TTC36: variants seen among roughly 807,000 people sequenced by gnomAD.
TTC36 encodes the protein tetratricopeptide repeat protein 36.
TTC36 carries 15 observed loss-of-function variants against 17.5 expected under a neutral mutation model. The ratio of observed to expected loss-of-function variants is 0.86; its 90% CI spans 0.57 to 1.32. The LOEUF (loss-of-function observed/expected upper bound fraction) is 1.32, where lower values mean the gene tolerates loss of function less well. Ranked by LOEUF, TTC36 falls within the 40% of genes most tolerant of loss-of-function variation. The probability of loss-of-function intolerance (pLI) is 0.00; values close to 1 mark genes in which losing one functional copy is unlikely to be tolerated. For synonymous variants in TTC36, 112 were observed against 109.8 expected, an observed-to-expected ratio of 1.02 and a Z score of -0.13; for missense variants, 292 against 260.9, an observed-to-expected ratio of 1.12 and a Z score of -0.82.
chr11:118,528,922 G>A (rs1424842968), intron 2 of TTC36, 131 bp downstream of exon 2: 1 of 780,488 alleles, frequency 1.3e-6, no homozygotes, highest in Non-Finnish European at 1.9e-6. Flanking sequence ...TATAAGGTAG[G>A]AGTAGTATCA....
Position 118,530,633 on chromosome 11 carries a change from C to T in TTC36, c.308-21C>T. On this transcript the variant is annotated intron_variant, in intron 2 of 2. Coordinates refer to ENST00000302783, the MANE Select transcript of TTC36 (RefSeq NM_001080441.4). The surrounding 1 kb of genome is among the most constrained non-coding windows in gnomAD (Gnocchi z 5.8). ...CTGGCCTCCGCTGACCCCCGCCCCGCCCGTCTCGTCGGTCCCGCAGGCGCC... is the reference window on the plus strand; with the variant it reads ...CTGGCCTCCGCTGACCCCCGCCCCGTCCGTCTCGTCGGTCCCGCAGGCGCC... 7.1e-7 allele frequency: 1 copy of T among 1,413,892 alleles called. No individual in the cohort carries two copies. The highest frequency in any genetic ancestry group is 9.1e-7 in the Non-Finnish European group (1 of 1,094,936). 87.6% of individuals were successfully genotyped at this position (1,413,892 alleles called of 1,614,324 possible). A position where few individuals can be genotyped will look rare whatever the true frequency, so the allele number is the denominator to read the frequency against.
intron 2 of TTC36, 29 bp downstream of exon 2, chr11:118,528,820 A>C: frequency 1.3e-6 from 2 of 1,565,274 alleles, no homozygotes. Context: ...TATCCTCTGC[A>C]AAAGGGCCCA....
At chr11:118,529,480 C>T (rs942659003) in intron 2 of TTC36, among the ~76,000 whole-genome samples, 1 of 152,128 alleles carries the variant, frequency 6.6e-6, no homozygotes, top group Non-Finnish European at 1.5e-5. Context: ...CTGTAGAGGT[C>T]CAAAACTCCT....
intron 1 of TTC36, chr11:118,528,197 G>C (rs961587549): frequency 1.2e-5 from 4 of 345,810 alleles, no homozygotes; most frequent in Non-Finnish European, 2.3e-5. Context: ...CATGATCTGG[G>C]AATGTCATGG....
Position 118,528,794 on chromosome 11 carries a change from A to AAGGGG in TTC36, c.307+6_307+10dup. Reference sequence around the variant, plus strand: ...GCGACTCCAGGGAGACGTGGCAGGTAAGGGGAGATGCCCTGTATCCTCTGC... The same window carrying AAGGGG: ...GCGACTCCAGGGAGACGTGGCAGGTAAGGGGAGGGGAGATGCCCTGTATCCTCTGC... On this transcript the variant is annotated splice_donor_region_variant and intron_variant, in intron 2 of 2. Coordinates refer to ENST00000302783, the MANE Select transcript of TTC36 (RefSeq NM_001080441.4). 6.2e-7 allele frequency: 1 copy of AAGGGG among 1,602,122 alleles called. No individual in the cohort carries two copies. Among genetic ancestry groups the AAGGGG allele is most frequent in the Non-Finnish European group, 8.5e-7 (1 of 1,174,000 alleles).
At position 118,527,527 on chromosome 11, in the gene TTC36, G is replaced by A. The variant is rs1555056026; in HGVS notation, c.33G>A (p.Gln11=). Residue 11 remains glutamine (Q), a synonymous_variant, in exon 1 of 3, where the codon CAG becomes CAA. Transcript: ENST00000302783. ...CTCCAAATGATCAGGCAGTGCTGCA[G>A]GCCATCTTCAACCCTGACACCCCAT... is the stretch of plus-strand genomic sequence containing the variant. The part of the protein sequence containing the change: MGTPNDQAVL[Q]AIFNPDTPFG... The A allele has an allele frequency of 6.2e-7, 1 of 1,614,172 alleles. No homozygotes were observed.
Position 118,530,637 on chromosome 11 carries a change from T to C in TTC36, c.308-17T>C. 4 of 1,418,748 alleles carry C rather than the reference T, an allele frequency of 2.8e-6. No homozygotes were observed. The highest frequency in any genetic ancestry group is 3.6e-6 in the Non-Finnish European group (4 of 1,097,118). 87.9% of individuals were successfully genotyped at this position (1,418,748 alleles called of 1,614,324 possible). A position where few individuals can be genotyped will look rare whatever the true frequency, so the allele number is the denominator to read the frequency against. On this transcript the variant is annotated splice_polypyrimidine_tract_variant and intron_variant, in intron 2 of 2. Coordinates refer to ENST00000302783, the MANE Select transcript of TTC36 (RefSeq NM_001080441.4). The surrounding 1 kb of genome is among the most constrained non-coding windows in gnomAD (Gnocchi z 5.8). The stretch of plus-strand genomic sequence containing the variant: ...CCTCCGCTGACCCCCGCCCCGCCCG[T>C]CTCGTCGGTCCCGCAGGCGCCCTGG...
chr11:118,530,772 C>T lies in TTC36; in HGVS notation c.426C>T (p.Ala142=). Residue 142 remains alanine (A), a synonymous_variant, in exon 3 of 3, where the codon GCC becomes GCT. Transcript: ENST00000302783. This position sits in a 1 kb window ranked among gnomAD's most constrained non-coding sequence, Gnocchi z 5.8. ...LARLQGRDDD[A]RRDFERAARL... is the part of the protein sequence containing the mutation. ...GGCTGCAGGGCCGAGACGACGACGC[C>T]CGCAGGGACTTCGAGAGGGCGGCAC... 1.3e-6 allele frequency: 2 copies of T among 1,509,314 alleles called. No individual in the cohort carries two copies. The highest frequency in any genetic ancestry group is 1.8e-6 in the Non-Finnish European group (2 of 1,138,318). 93.5% of individuals were successfully genotyped at this position (1,509,314 alleles called of 1,614,324 possible). A position where few individuals can be genotyped will look rare whatever the true frequency, so the allele number is the denominator to read the frequency against.
chr11:118,528,547 TTTC>T, intron 1 of TTC36, 53 bp from the exon 2 acceptor site: 1 of 1,490,538 alleles, frequency 6.7e-7, no homozygotes, highest in Non-Finnish European at 8.9e-7. Context: ...GAGGTGGCTT[TTTC>T]TTCTTGCTAC....
Position 118,530,614 on chromosome 11 carries a change from T to C in TTC36, c.308-40T>C. On this transcript the variant is annotated intron_variant, in intron 2 of 2. Coordinates refer to ENST00000302783, the MANE Select transcript of TTC36 (RefSeq NM_001080441.4). The surrounding 1 kb of genome is among the most constrained non-coding windows in gnomAD (Gnocchi z 5.8). ...GGGCTCGGGCAAGGCCGCCCTGGCC[T>C]CCGCTGACCCCCGCCCCGCCCGTCT... 7.2e-7 allele frequency: 1 copy of C among 1,381,980 alleles called. No homozygotes were observed. Among genetic ancestry groups the C allele is most frequent in the Non-Finnish European group, 9.3e-7 (1 of 1,080,244 alleles). The allele number at this position is 1,381,980 out of a possible 1,614,324, so 85.6% of individuals were successfully genotyped here. A position where few individuals can be genotyped will look rare whatever the true frequency, so the allele number is the denominator to read the frequency against.
At chr11:118,528,113 T>C (rs143723563) in intron 1 of TTC36, 24 of 392,670 alleles carry the variant, frequency 6.1e-5, no homozygotes, top group African/African-American at 4.6e-4. Context: ...TTTGATCCTT[T>C]GTTTCTAGAG....
Position 118,530,951 on chromosome 11 carries a change from C to T in TTC36, c.*35C>T, listed in dbSNP as rs1251465206. The T allele has an allele frequency of 2.7e-6, 4 of 1,468,180 alleles. No individual in the cohort carries two copies. The highest frequency in any genetic ancestry group is 2.5e-5 in the Admixed American group (1 of 39,406). 90.9% of individuals were successfully genotyped at this position (1,468,180 alleles called of 1,614,324 possible). A position where few individuals can be genotyped will look rare whatever the true frequency, so the allele number is the denominator to read the frequency against. On this transcript the variant is annotated 3_prime_UTR_variant, in exon 3 of 3. Coordinates refer to ENST00000302783, the MANE Select transcript of TTC36 (RefSeq NM_001080441.4). The surrounding 1 kb of genome is among the most constrained non-coding windows in gnomAD (Gnocchi z 5.8). ...ACCCGGGCGTCCGCGGGCGAGGGGA[C>T]GGGACTGGGCCCTGAACCAATAAAG... is the stretch of plus-strand genomic sequence containing the variant.
intron 2 of TTC36, among the ~76,000 whole-genome samples, chr11:118,529,544 C>T (rs1041851015): frequency 3.3e-5 from 5 of 152,230 alleles, no homozygotes; most frequent in Middle Eastern, 3.4e-3. Context: ...TGCTGGGGAC[C>T]AAAGATGAGG....
At position 118,528,665 on chromosome 11, in the gene TTC36, G is replaced by A; in HGVS notation, c.181G>A (p.Ala61Thr). 1 of 1,612,054 alleles carries A rather than the reference G, an allele frequency of 6.2e-7. No homozygotes were observed. Among genetic ancestry groups the A allele is most frequent in the Non-Finnish European group, 8.5e-7 (1 of 1,178,932 alleles). ...GGCCCTGGAGCTGCAGGGGGTGATG[G>A]CAGCAGAGGCTGGGGACCTCAGCAC... is the stretch of plus-strand genomic sequence containing the variant. ...SKALELQGVM[A>T]AEAGDLSTAL... The change falls in exon 2 of 3, where the codon GCA (alanine) becomes ACA (threonine). Residue 61 changes from alanine to threonine, a missense_variant. By Grantham distance (58) the Ala-to-Thr change is moderately conservative. Transcript: ENST00000302783.
rs1444736153 is a variant in TTC36, at chr11:118,527,694, A to G, written c.118+82A>G. ...AGGTAGCAGAGAGGGAGGTGGTTTT[A>G]TAAGGCCCCTTGTTCCATGATTATG... is the stretch of plus-strand genomic sequence containing the variant. On this transcript the variant is annotated intron_variant, in intron 1 of 2. Transcript: ENST00000302783. 8 of 951,958 alleles carry G rather than the reference A, an allele frequency of 8.4e-6. No homozygotes were observed. In the African/African-American group the frequency reaches 1.3e-4, roughly 15 times the overall value. 59.0% of individuals were successfully genotyped at this position (951,958 alleles called of 1,614,324 possible).
At chr11:118,527,913 T>G in intron 1 of TTC36, 1 of 496,428 alleles carries the variant, frequency 2.0e-6, no homozygotes, top group Non-Finnish European at 3.9e-6. Context: ...CACATTTTTG[T>G]CATAACAGAG....
rs1555056397 is a variant in TTC36, at chr11:118,528,608, G to T, written c.124G>T (p.Val42Phe). 3.8e-6 allele frequency: 6 copies of T among 1,563,356 alleles called. No homozygotes were observed. The highest frequency in any genetic ancestry group is 5.2e-6 in the Non-Finnish European group (6 of 1,150,750). ...AEKEEREEDE[V>F]FPQAQLEQSK... ...TGGCTCCTTCCCTGGCCCAGATGAA[G>T]TTTTCCCTCAAGCACAGCTGGAACA... The change falls in exon 2 of 3, where the codon GTT becomes TTT. Residue 42 changes from valine to phenylalanine, a missense_variant. By Grantham distance (50) the Val-to-Phe change is conservative. Transcript: ENST00000302783.
intron 2 of TTC36, among the ~76,000 whole-genome samples, chr11:118,529,958 C>G (rs1951174820): frequency 6.6e-6 from 1 of 152,154 alleles, no homozygotes; most frequent in African/African-American, 2.4e-5. Flanking sequence ...GTTCTGAGTT[C>G]AGAGTTCTGA....
chr11:118,528,607 A>C lies in TTC36; in HGVS notation c.123A>C (p.Glu41Asp). Residue 41 changes from glutamate to aspartate, a missense_variant, in exon 2 of 3, where the codon GAA becomes GAC. Transcript: ENST00000302783. ...EAEKEEREEDEVFPQAQLEQS... is the reference protein window; with the variant it reads ...EAEKEEREEDDVFPQAQLEQS... ...CTGGCTCCTTCCCTGGCCCAGATGA[A>C]GTTTTCCCTCAAGCACAGCTGGAAC... 6.4e-7 allele frequency: 1 copy of C among 1,561,296 alleles called. No homozygotes were observed. Among genetic ancestry groups the C allele is most frequent in the Non-Finnish European group, 8.7e-7 (1 of 1,149,664 alleles).
Sources: allele counts gnomAD v4.1 joint callset (sites outside exome capture counted in the v4.1 genomes callset), GRCh38; gene constraint gnomAD v4.1.1; non-coding constraint Gnocchi (gnomAD v3.1); transcripts MANE v1.5; gene names NCBI Gene and HGNC (gene_info 2026-07-23, HGNC 2026-07-21).